BPIFA3: variants seen among roughly 807,000 people sequenced by gnomAD.
The protein encoded by BPIFA3 is BPI fold-containing family A member 3.
A neutral mutation model predicts 29.7 loss-of-function variants in BPIFA3; 32 were observed. The ratio of observed to expected loss-of-function variants is 1.08; its 90% CI spans 0.81 to 1.45. The LOEUF is 1.45. BPIFA3 is among the 40% of genes most tolerant of loss of function. The probability of loss-of-function intolerance (pLI) is 0.00; values close to 1 mark genes in which losing one functional copy is unlikely to be tolerated. For synonymous variants in BPIFA3, 112 were observed against 113.7 expected (o/e 0.98, Z 0.10); for missense variants, 323 against 311.3 (o/e 1.04, Z -0.28).
intron 4 of BPIFA3, 81 bp downstream of exon 4, chr20:33,225,328 C>T (rs4911305): frequency 0.2 from 324,251 of 1,585,922 alleles, 34,649 homozygotes; most frequent in Admixed American, 0.36. Context: ...CTGACCGTCT[C>T]CTAAATTAGT....
At chr20:33,221,305 C>T (rs1221931611) in intron 1 of BPIFA3, among the ~76,000 whole-genome samples, 1 of 152,140 alleles carries the variant, frequency 6.6e-6, no homozygotes, top group Admixed American at 6.5e-5. Flanking sequence ...CAGGTGCCCC[C>T]ACTACCACGA....
chr20:33,225,305 G>T, intron 4 of BPIFA3, 58 bp downstream of exon 4: 3 of 1,608,184 alleles, frequency 1.9e-6, no homozygotes, highest in Non-Finnish European at 2.5e-6. Flanking sequence ...AGCCCCAGCT[G>T]CAGGGTCACT....
At chr20:33,227,090 G>A (rs904846473) in intron 6 of BPIFA3, 97 bp downstream of exon 6, 3 of 1,047,886 alleles carry the variant, frequency 2.9e-6, no homozygotes, top group African/African-American at 1.6e-5. Flanking sequence ...GCCTGCTAAG[G>A]GGCGTCTGCA....
At chr20:33,219,798 G>T (rs1985424910) in intron 1 of BPIFA3, among the ~76,000 whole-genome samples, 1 of 152,214 alleles carries the variant, frequency 6.6e-6, no homozygotes, top group Admixed American at 6.5e-5. Flanking sequence ...ATTTTAGAGT[G>T]TGTTGAGTTC....
chr20:33,222,216 A>G (rs1293880376), intron 1 of BPIFA3, among the ~76,000 whole-genome samples: 2 of 152,252 alleles, frequency 1.3e-5, no homozygotes, highest in Non-Finnish European at 2.9e-5. Flanking sequence ...GATTTTGTCT[A>G]TTTCTCAGCT....
chr20:33,226,795 T>C (rs1985799813), intron 5 of BPIFA3, 135 bp from the exon 6 acceptor site: 1 of 970,144 alleles, frequency 1.0e-6, no homozygotes, highest in South Asian at 1.5e-5. Flanking sequence ...TAGTTGGCGC[T>C]CACTACAAGG....
chr20:33,222,054 T>C (rs190955910), intron 1 of BPIFA3, among the ~76,000 whole-genome samples: 62 of 152,314 alleles, frequency 4.1e-4, no homozygotes, highest in African/African-American at 1.4e-3. Context: ...AACTATATTA[T>C]CAGTTAGAGT....
Position 33,225,112 on chromosome 20 carries a change from A to G in BPIFA3, c.401A>G (p.Asn134Ser), listed in dbSNP as rs187062772. Residue 134 changes from asparagine to serine, a missense_variant, in exon 4 of 7, where the codon AAC becomes AGC. By Grantham distance (46) the Asn-to-Ser change is conservative. Transcript: ENST00000375454. Reference sequence around the variant, plus strand: ...CTCATCTGCAGGTCCTTCGATAACAACATCGTAAAGATGTGTGCACATATG... The same window carrying G: ...CTCATCTGCAGGTCCTTCGATAACAGCATCGTAAAGATGTGTGCACATATG... ...DLELRPSFDN[N>S]IVKMCAHMSI... 70 of 1,614,038 alleles carry G rather than the reference A, an allele frequency of 4.3e-5. No homozygotes were observed. In the East Asian group the frequency reaches 1.3e-3, roughly 30 times the overall value.
At position 33,227,687 on chromosome 20, in the gene BPIFA3, C is replaced by T. The variant is rs566257609; in HGVS notation, c.*70C>T. On this transcript the variant is annotated 3_prime_UTR_variant, in exon 7 of 7. Coordinates refer to ENST00000375454, the MANE Select transcript of BPIFA3 (RefSeq NM_178466.5). ...CTCCCTTAGAGTGGGGCTTCTGCTA[C>T]CCTAAAAACTTTACCCCAGGCTCTG... 1 of 1,372,210 alleles carries T rather than the reference C, an allele frequency of 7.3e-7. No homozygotes were observed. Among genetic ancestry groups the T allele is most frequent in the East Asian group, 2.3e-5 (1 of 43,294 alleles). The allele number at this position is 1,372,210 out of a possible 1,614,324, so 85.0% of individuals were successfully genotyped here.
Position 33,223,820 on chromosome 20 carries a change from A to C in BPIFA3, c.137A>C (p.Gln46Pro), listed in dbSNP as rs139890063. The stretch of plus-strand genomic sequence containing the variant: ...CCTTGTGCATTTCCAGTTATTGCTC[A>C]GGGCCTCATAAAGCACAACGCAGAA... ...NKSTLARIIA[Q>P]GLIKHNAESR... The change falls in exon 2 of 7, where the codon CAG (glutamine) becomes CCG (proline). Residue 46 changes from glutamine to proline, a missense_variant. Gln to Pro is a moderately conservative substitution (Grantham distance 76). Coordinates refer to ENST00000375454, the MANE Select transcript of BPIFA3 (RefSeq NM_178466.5). 2.5e-6 allele frequency: 4 copies of C among 1,613,464 alleles called. No individual in the cohort carries two copies. Among genetic ancestry groups the C allele is most frequent in the Non-Finnish European group, 3.4e-6 (4 of 1,179,392 alleles).
At chr20:33,224,204 C>A in intron 2 of BPIFA3, 151 bp from the exon 3 acceptor site, 1 of 796,678 alleles carries the variant, frequency 1.3e-6, no homozygotes, top group Non-Finnish European at 2.0e-6. Flanking sequence ...CCGCACCTGA[C>A]TCTTGCCCTC....
rs1446643490 is a variant in BPIFA3, at chr20:33,224,479, C to A, written c.386+17C>A. The A allele has an allele frequency of 3.1e-6, 5 of 1,588,528 alleles. No homozygotes were observed. The African/African-American group carries it at 6.7e-5, about 21-fold the overall frequency. On this transcript the variant is annotated intron_variant, in intron 3 of 6. Transcript: ENST00000375454. ...ATTGAGACCGTGAGTCATACAGAAG[C>A]AGAATCTGAGAGGTGCTGGCCCTCC...
chr20:33,226,552 C>A, intron 5 of BPIFA3, 62 bp downstream of exon 5: 2 of 1,031,776 alleles, frequency 1.9e-6, no homozygotes, highest in Non-Finnish European at 2.9e-6. Flanking sequence ...GGGCATATAT[C>A]CACTGGCAAT....
Position 33,224,391 on chromosome 20 carries a change from G to T in BPIFA3, c.315G>T (p.Gly105=). ...NITNIQLDCG[G]IQISFHKEWF... is the part of the protein sequence containing the mutation. ...CCAACATTCAGCTGGACTGTGGTGG[G>T]ATCCAGATATCATTCCATAAGGAGT... is the stretch of plus-strand genomic sequence containing the variant. The change falls in exon 3 of 7, where the codon GGG becomes GGT. Residue 105 remains glycine (G), a synonymous_variant. Transcript: ENST00000375454. 2 of 1,614,194 alleles carry T rather than the reference G, an allele frequency of 1.2e-6. No homozygotes were observed. Among genetic ancestry groups the T allele is most frequent in the Non-Finnish European group, 1.7e-6 (2 of 1,180,026 alleles).
chr20:33,227,089 G>C, intron 6 of BPIFA3, 96 bp downstream of exon 6: 1 of 1,053,476 alleles, frequency 9.5e-7, no homozygotes, highest in East Asian at 2.4e-5. Flanking sequence ...GGCCTGCTAA[G>C]GGGCGTCTGC....
At chr20:33,223,269 G>T (rs1051003470) in intron 1 of BPIFA3, among the ~76,000 whole-genome samples, 4 of 152,140 alleles carry the variant, frequency 2.6e-5, no homozygotes, top group African/African-American at 9.7e-5. Flanking sequence ...ACACTACGAG[G>T]TTCATCAGAG....
At chr20:33,227,516 A>T (rs1357798901) in intron 6 of BPIFA3, 22 bp from the exon 7 acceptor site, 1 of 1,602,820 alleles carries the variant, frequency 6.2e-7, no homozygotes, top group African/African-American at 1.3e-5. Context: ...CTGGTGACAG[A>T]CGCTACCTCT....
intron 1 of BPIFA3, among the ~76,000 whole-genome samples, chr20:33,219,250 T>G (rs113505061): frequency 0.012 from 1,768 of 152,258 alleles, 33 homozygotes; most frequent in African/African-American, 0.04. Flanking sequence ...TTTATCCATT[T>G]TTAAATTTGC....
At chr20:33,225,390 C>A in intron 4 of BPIFA3, 143 bp downstream of exon 4, 3 of 1,198,552 alleles carry the variant, frequency 2.5e-6, no homozygotes, top group East Asian at 2.5e-5. Flanking sequence ...CCCATGTTCC[C>A]ATCCGTGATG....
Sources: gnomAD v4.1 joint callset for allele counts (sites outside exome capture counted in the v4.1 genomes callset) on GRCh38, gnomAD v4.1.1 for gene constraint, MANE v1.5 for transcripts, NCBI Gene and HGNC (gene_info 2026-07-23, HGNC 2026-07-21) for gene names.